ACAN: variants seen among roughly 807,000 people sequenced by gnomAD.
ACAN encodes aggrecan.
Under a neutral mutation model 169.1 loss-of-function variants are expected in ACAN, and 47 were observed. The observed-to-expected ratio is 0.28, with a 90% CI of 0.22 to 0.35. The LOEUF is 0.35. Ranked by LOEUF, ACAN falls within the 10% of genes least tolerant of loss-of-function variation. The pLI, the probability that ACAN is intolerant of heterozygous loss-of-function variation, is 1.00. For synonymous variants in ACAN, 1,115 were observed against 1,112.2 expected (o/e 1.00, Z -0.05); for missense variants, 2,716 against 2,759.9 (o/e 0.98, Z 0.36).
Position 88,838,692 on chromosome 15 carries a change from C to A in ACAN, c.100C>A (p.Pro34Thr), listed in dbSNP as rs550784997. Residue 34 changes from proline (P) to threonine (T), a missense_variant, in exon 3 of 19, where the codon CCC (proline) becomes ACC (threonine). Around this residue, in one of 3 missense-constraint regions of ACAN, gnomAD observed 1,283 missense variants for 1,281.5 expected, o/e 1.00. Transcript: ENST00000560601. This position sits in a 1 kb window ranked among gnomAD's most constrained non-coding sequence, Gnocchi z 5.1. ...DHDNSLSVSI[P>T]QPSPLRVLLG... is the part of the protein sequence containing the mutation. ...TGACAACTCGCTGAGTGTCAGCATC[C>A]CCCAACCGTCCCCGCTGAGGGTCCT... is the stretch of plus-strand genomic sequence containing the variant. 6.3e-7 allele frequency: 1 copy of A among 1,597,242 alleles called. No individual in the cohort carries two copies. The highest frequency in any genetic ancestry group is 1.7e-4 in the Middle Eastern group (1 of 5,972).
intron 1 of ACAN, among the ~76,000 whole-genome samples, chr15:88,827,226 C>T (rs971121188): frequency 9.9e-5 from 15 of 152,146 alleles, no homozygotes; most frequent in African/African-American, 1.7e-4. Flanking sequence ...TGTGGCAAGC[C>T]GTGGAGACGG....
Position 88,855,638 on chromosome 15 carries a change from A to G in ACAN, c.3053A>G (p.Glu1018Gly). ...GACATCAGCGGGCTTCCTTCTGGAG[A>G]AGTTCTAGAGACCACTGCCCCTGGA... Reference protein sequence around the residue: ...VEDISGLPSGEVLETTAPGVE... With the variant: ...VEDISGLPSGGVLETTAPGVE... Residue 1018 changes from glutamate to glycine, a missense_variant, in exon 12 of 19, where the codon GAA (glutamate) becomes GGA (glycine). By Grantham distance (98) the Glu-to-Gly change is moderately conservative. Transcript: ENST00000560601. 5.3e-6 allele frequency: 1 copy of G among 188,256 alleles called. No homozygotes were observed. Among genetic ancestry groups the G allele is most frequent in the South Asian group, 2.7e-5 (1 of 37,626 alleles). The allele number at this position is 188,256 out of a possible 1,614,324, so 11.7% of individuals were successfully genotyped here. A position where few individuals can be genotyped will look rare whatever the true frequency, so the allele number is the denominator to read the frequency against.
intron 1 of ACAN, among the ~76,000 whole-genome samples, chr15:88,829,548 C>G (rs980637205): frequency 1.3e-5 from 2 of 152,178 alleles, no homozygotes; most frequent in Admixed American, 1.3e-4. Flanking sequence ...AGTGCATATG[C>G]TACTGCGTTT....
chr15:88,826,693 C>T (rs573618963), intron 1 of ACAN, among the ~76,000 whole-genome samples: 6 of 152,278 alleles, frequency 3.9e-5, no homozygotes, highest in South Asian at 2.1e-4. Context: ...TTCCCTCTCT[C>T]GTGAACTAAT....
intron 1 of ACAN, among the ~76,000 whole-genome samples, chr15:88,815,656 T>TAAA (rs58267198): frequency 0.016 from 873 of 53,818 alleles, no homozygotes; most frequent in Non-Finnish European, 0.018. Context: ...CTGCACTGAT[T>TAAA]AAAAAAAAAA....
At chr15:88,848,754 C>T (rs992595931) in intron 9 of ACAN, among the ~76,000 whole-genome samples, 1 of 152,216 alleles carries the variant, frequency 6.6e-6, no homozygotes, top group Non-Finnish European at 1.5e-5. Context: ...GCCACTCACT[C>T]GTTTCAAGAC....
intron 1 of ACAN, among the ~76,000 whole-genome samples, chr15:88,827,015 G>A (rs2141533008): frequency 6.6e-6 from 1 of 152,276 alleles, no homozygotes; most frequent in Admixed American, 6.5e-5. Flanking sequence ...TTCCTATGAA[G>A]ACTGTTCTAA....
intron 1 of ACAN, among the ~76,000 whole-genome samples, chr15:88,804,077 G>A (rs1168991603): frequency 6.6e-6 from 1 of 152,220 alleles, no homozygotes; most frequent in Non-Finnish European, 1.5e-5. Flanking sequence ...GAAGGAACAA[G>A]GGAGCCTTTT....
chr15:88,873,678 A>G lies in ACAN; in HGVS notation c.7448-164A>G, dbSNP rs1897435172. ...TGTTCTAAATTGTTGAGGAACCCAGATGTTACAGCCAGCGGCTTCCAGATT... is the reference window on the plus strand; with the variant it reads ...TGTTCTAAATTGTTGAGGAACCCAGGTGTTACAGCCAGCGGCTTCCAGATT... On this transcript the variant is annotated intron_variant, in intron 17 of 18. Transcript: ENST00000560601. The surrounding 1 kb of genome is among the most constrained non-coding windows in gnomAD (Gnocchi z 7.5). The G allele has an allele frequency of 1.5e-6, 1 of 680,378 alleles. No individual in the cohort carries two copies. Among genetic ancestry groups the G allele is most frequent in the African/African-American group, 1.8e-5 (1 of 55,374 alleles). The allele number at this position is 680,378 out of a possible 1,614,324, so 42.1% of individuals were successfully genotyped here. A position where few individuals can be genotyped will look rare whatever the true frequency, so the allele number is the denominator to read the frequency against.
At chr15:88,836,423 T>A (rs2141557055) in intron 2 of ACAN, 147 bp downstream of exon 2, 3 of 740,246 alleles carry the variant, frequency 4.1e-6, no homozygotes, top group Non-Finnish European at 7.1e-6. Flanking sequence ...CCCCTGTTGA[T>A]GCATGCATAA....
At position 88,838,529 on chromosome 15, in the gene ACAN, C is replaced by T. The variant is rs1596130398; in HGVS notation, c.71-134C>T. On this transcript the variant is annotated intron_variant, in intron 2 of 18. Coordinates refer to ENST00000560601, the MANE Select transcript of ACAN (RefSeq NM_001369268.1). The surrounding 1 kb of genome is among the most constrained non-coding windows in gnomAD (Gnocchi z 5.1). ...TTCCCACATGACACGGGAGCATCCC[C>T]ATCATAGAGACAGACACACTCATCG... 5 of 1,119,080 alleles carry T rather than the reference C, an allele frequency of 4.5e-6. 1 individual carries two copies. In the South Asian group the frequency reaches 6.4e-5, roughly 14 times the overall value. 69.3% of individuals were successfully genotyped at this position (1,119,080 alleles called of 1,614,324 possible). A position where few individuals can be genotyped will look rare whatever the true frequency, so the allele number is the denominator to read the frequency against.
chr15:88,840,565 G>A (rs1018605592), intron 4 of ACAN, among the ~76,000 whole-genome samples: 11 of 151,972 alleles, frequency 7.2e-5, no homozygotes, highest in Non-Finnish European at 1.5e-4. Context: ...GAACCCCTTG[G>A]TACATCCTTC....
chr15:88,859,147 A>G lies in ACAN; in HGVS notation c.6562A>G (p.Thr2188Ala). 6.2e-7 allele frequency: 1 copy of G among 1,613,636 alleles called. No individual in the cohort carries two copies. The highest frequency in any genetic ancestry group is 1.1e-5 in the South Asian group (1 of 91,066). ...GTEAPGLPSA[T>A]PTASGDRTEI... is the part of the protein sequence containing the mutation. ...AGAGGCACCAGGCTTGCCTTCAGCCACTCCCACGGCTTCTGGAGACAGGAC... is the reference window on the plus strand; with the variant it reads ...AGAGGCACCAGGCTTGCCTTCAGCCGCTCCCACGGCTTCTGGAGACAGGAC... The change falls in exon 12 of 19, where the codon ACT becomes GCT. Residue 2188 changes from threonine to alanine, a missense_variant. This residue lies in a region of ACAN where 1,389 missense variants were observed against 1,363.7 expected (regional missense o/e 1.02). Coordinates refer to ENST00000560601, the MANE Select transcript of ACAN (RefSeq NM_001369268.1).
At position 88,859,092 on chromosome 15, in the gene ACAN, A is replaced by G. The variant is rs1897136422; in HGVS notation, c.6507A>G (p.Gly2169=). Residue 2169 remains glycine (G), a synonymous_variant, in exon 12 of 19, where the codon GGA becomes GGG. Coordinates refer to ENST00000560601, the MANE Select transcript of ACAN (RefSeq NM_001369268.1). The part of the protein sequence containing the change: ...GEASAAPEVS[G]ESTTTSDVGT... The stretch of plus-strand genomic sequence containing the variant: ...CGTCCGCTGCCCCAGAAGTGAGTGG[A>G]GAATCCACCACCACCAGTGATGTGG... 1.2e-6 allele frequency: 2 copies of G among 1,613,780 alleles called. No individual in the cohort carries two copies. Among genetic ancestry groups the G allele is most frequent in the African/African-American group, 2.7e-5 (2 of 74,940 alleles).
intron 1 of ACAN, among the ~76,000 whole-genome samples, chr15:88,825,811 C>T (rs533051717): frequency 2.3e-4 from 35 of 152,338 alleles, no homozygotes; most frequent in East Asian, 5.8e-4. Context: ...TGTGCCCACC[C>T]CCACCTCCAG....
Position 88,870,573 on chromosome 15 carries a change from C to G in ACAN, c.7061-809C>G, listed in dbSNP as rs989331971. On this transcript the variant is annotated intron_variant, in intron 14 of 18. Coordinates refer to ENST00000560601, the MANE Select transcript of ACAN (RefSeq NM_001369268.1). This position sits in a 1 kb window ranked among gnomAD's most constrained non-coding sequence, Gnocchi z 6.3. Reference sequence around the variant, plus strand: ...AGAGGAGACACTAACAATGAGCTCTCTCAAAGCTGAGTGAGCCAGCTCAGC... The same window carrying G: ...AGAGGAGACACTAACAATGAGCTCTGTCAAAGCTGAGTGAGCCAGCTCAGC... Among the ~76,000 whole-genome samples the G allele has an allele frequency of 1.6e-4, 25 of 152,186 alleles. No homozygotes were observed. The highest frequency in any genetic ancestry group is 5.5e-4 in the African/African-American group (23 of 41,450).
chr15:88,833,949 C>T (rs1234557745), intron 1 of ACAN, among the ~76,000 whole-genome samples: 1 of 152,152 alleles, frequency 6.6e-6, no homozygotes, highest in Non-Finnish European at 1.5e-5. Flanking sequence ...TGTCTGAACA[C>T]GAATCCCTAA....
rs866240136 is a variant in ACAN at position 88,836,373 on chromosome 15, A to G, written c.70+97A>G. The G allele has an allele frequency of 3.4e-5, 38 of 1,106,812 alleles. No homozygotes were observed. The Middle Eastern group carries it at 2.1e-3, about 62-fold the overall frequency. The allele number at this position is 1,106,812 out of a possible 1,614,324, so 68.6% of individuals were successfully genotyped here. A position where few individuals can be genotyped will look rare whatever the true frequency, so the allele number is the denominator to read the frequency against. On this transcript the variant is annotated intron_variant, in intron 2 of 18. Coordinates refer to ENST00000560601, the MANE Select transcript of ACAN (RefSeq NM_001369268.1). ...ACCTGGTGCTACTGGTCCCAGGGAT[A>G]TAATTTCCCCTTTCCTGGACTTTTC... is the stretch of plus-strand genomic sequence containing the variant.
At chr15:88,815,571 A>T (rs1446643148) in intron 1 of ACAN, among the ~76,000 whole-genome samples, 1 of 150,510 alleles carries the variant, frequency 6.6e-6, no homozygotes, top group Non-Finnish European at 1.5e-5. Flanking sequence ...GAAAAAAAAA[A>T]AAAGTAGAAG....
Sources: allele counts gnomAD v4.1 joint callset (sites outside exome capture counted in the v4.1 genomes callset), GRCh38; gene constraint gnomAD v4.1.1; regional missense constraint gnomAD v4.1.1; non-coding constraint Gnocchi (gnomAD v3.1); transcripts MANE v1.5; gene names NCBI Gene and HGNC (gene_info 2026-07-23, HGNC 2026-07-21).